Variants in LAMA2 observed in about 807,000 individuals in gnomAD.
LAMA2 encodes laminin subunit alpha-2.
In LAMA2, 269 loss-of-function variants were observed where a neutral mutation model predicts 364.8. The observed-to-expected ratio is 0.74, with a 90% CI of 0.67 to 0.82. The LOEUF (loss-of-function observed/expected upper bound fraction) is 0.82. Ranked by LOEUF, LAMA2 falls within the 40% of genes least tolerant of loss-of-function variation. The pLI is 0.00. For synonymous variants in LAMA2, 1,379 were observed against 1,370.6 expected (o/e 1.01, Z -0.14); for missense variants, 3,807 against 3,873.2 (o/e 0.98, Z 0.45).
At chr6:129,338,058 A>T (rs1776055618) in intron 29 of LAMA2, among the ~76,000 whole-genome samples, 1 of 152,190 alleles carries the variant, frequency 6.6e-6, no homozygotes. Flanking sequence ...GAGAAGATTG[A>T]CTGTCCAGAG....
chr6:128,943,265 T>TACAC lies in LAMA2; in HGVS notation c.112+59910_112+59913dup, dbSNP rs532252413. The stretch of plus-strand genomic sequence containing the variant: ...CACAGAGAGAGTGTGTGTGTATATA[T>TACAC]ACACAGAGAGAGAGAGAGAGAGAGA... On this transcript the variant is annotated intron_variant, in intron 1 of 64. Transcript: ENST00000421865. 5.2e-3 allele frequency among the ~76,000 whole-genome samples: 542 copies of TACAC among 103,502 alleles called. 5 individuals are homozygous for TACAC. The highest frequency in any genetic ancestry group is 0.025 in the African/African-American group (504 of 20,078). The allele number at this position is 103,502 out of a possible 152,430, so 67.9% of individuals were successfully genotyped here. A position where few individuals can be genotyped will look rare whatever the true frequency, so the allele number is the denominator to read the frequency against.
At chr6:129,497,615 G>C (rs1474572932) in intron 58 of LAMA2, among the ~76,000 whole-genome samples, 2 of 152,174 alleles carry the variant, frequency 1.3e-5, no homozygotes, top group African/African-American at 4.8e-5. Flanking sequence ...GCCTATTTAT[G>C]AGCTCCATAT....
intron 1 of LAMA2, among the ~76,000 whole-genome samples, chr6:129,042,753 T>C (rs1787196059): frequency 6.6e-6 from 1 of 152,196 alleles, no homozygotes; most frequent in African/African-American, 2.4e-5. Flanking sequence ...ATCATATAAA[T>C]GAATAATAGA....
At chr6:129,419,643 G>A (rs887079080) in intron 40 of LAMA2, among the ~76,000 whole-genome samples, 3 of 152,082 alleles carry the variant, frequency 2.0e-5, no homozygotes, top group African/African-American at 7.2e-5. Flanking sequence ...CCTTCTTGGT[G>A]TTCCCATAAA....
At chr6:129,174,301 T>C (rs1780420657) in intron 9 of LAMA2, among the ~76,000 whole-genome samples, 1 of 152,156 alleles carries the variant, frequency 6.6e-6, no homozygotes, top group Admixed American at 6.5e-5. Context: ...AACTACATTT[T>C]GTTTTCCAAT....
At chr6:129,414,795 A>G (rs567336247) in intron 40 of LAMA2, among the ~76,000 whole-genome samples, 1 of 152,284 alleles carries the variant, frequency 6.6e-6, no homozygotes, top group East Asian at 1.9e-4. Flanking sequence ...ACAATCCCCT[A>G]ACCTAACTTT....
chr6:129,094,849 G>C (rs1229551013), intron 3 of LAMA2, among the ~76,000 whole-genome samples: 2 of 152,146 alleles, frequency 1.3e-5, no homozygotes, highest in African/African-American at 4.8e-5. Context: ...GGATAACAGA[G>C]GGTAAAAGAG....
At chr6:128,922,106 T>G (rs1365091656) in intron 1 of LAMA2, among the ~76,000 whole-genome samples, 22 of 152,222 alleles carry the variant, frequency 1.4e-4, no homozygotes, top group Non-Finnish European at 2.6e-4. Context: ...CTAGTCTATC[T>G]TTGTTGGACA....
chr6:129,260,419 C>T (rs1787036087), intron 14 of LAMA2, among the ~76,000 whole-genome samples: 1 of 152,062 alleles, frequency 6.6e-6, no homozygotes, highest in Non-Finnish European at 1.5e-5. Context: ...TTAAAAATGT[C>T]TGTCTCCAAA....
chr6:129,248,445 G>A (rs1443408711), intron 12 of LAMA2, among the ~76,000 whole-genome samples: 3 of 152,036 alleles, frequency 2.0e-5, no homozygotes, highest in Non-Finnish European at 1.5e-5. Flanking sequence ...TCTTTTTATT[G>A]ACAAAATGGA....
intron 28 of LAMA2, among the ~76,000 whole-genome samples, chr6:129,327,976 T>C (rs1358220343): frequency 6.6e-6 from 1 of 152,188 alleles, no homozygotes; most frequent in African/African-American, 2.4e-5. Flanking sequence ...GACAATGTTA[T>C]TTAAAAACAA....
At chr6:129,197,492 C>A (rs916330237) in intron 12 of LAMA2, among the ~76,000 whole-genome samples, 1 of 152,244 alleles carries the variant, frequency 6.6e-6, no homozygotes, top group African/African-American at 2.4e-5. Context: ...CACCTCGCTT[C>A]AAGATGTCCT....
At position 129,401,293 on chromosome 6, in the gene LAMA2, C is replaced by T. The variant is rs1352301856; in HGVS notation, c.5515C>T (p.Leu1839Phe). The T allele has an allele frequency of 1.2e-6, 2 of 1,612,904 alleles. No individual in the cohort carries two copies. Among genetic ancestry groups the T allele is most frequent in the East Asian group, 4.5e-5 (2 of 44,860 alleles). ...CACTTTAAAAGAGGGCAATGACATA[C>T]TCGATGAAGCCAACCGTCTTGCAGA... ...ENTLKEGNDI[L>F]DEANRLADEI... The change falls in exon 38 of 65, where the codon CTC (leucine) becomes TTC (phenylalanine). Residue 1839 changes from leucine (L) to phenylalanine (F), a missense_variant. Leu to Phe is a conservative substitution (Grantham distance 22, BLOSUM62 0). Transcript: ENST00000421865.
intron 12 of LAMA2, among the ~76,000 whole-genome samples, chr6:129,227,880 C>T (rs1022343025): frequency 6.6e-6 from 1 of 152,286 alleles, no homozygotes; most frequent in Non-Finnish European, 1.5e-5. Context: ...TTTAAGTCTG[C>T]AGAGGTTTCT....
chr6:128,962,185 T>TATATATATATATATACAC (rs1214826895), intron 1 of LAMA2, among the ~76,000 whole-genome samples: 18 of 103,922 alleles, frequency 1.7e-4, no homozygotes, highest in Non-Finnish European at 2.6e-4. Flanking sequence ...TATATATATA[T>TATATATATATATATACAC]ACACACATAC....
intron 4 of LAMA2, among the ~76,000 whole-genome samples, chr6:129,122,901 T>G (rs367980938): frequency 6.6e-6 from 1 of 152,164 alleles, no homozygotes; most frequent in African/African-American, 2.4e-5. Context: ...TTAACACTGA[T>G]AATTAAATAA....
chr6:129,506,282 G>T (rs1048218575), intron 61 of LAMA2, among the ~76,000 whole-genome samples: 2 of 152,088 alleles, frequency 1.3e-5, no homozygotes, highest in African/African-American at 4.8e-5. Context: ...GAACCCGAGG[G>T]TCAGAGGTTG....
intron 47 of LAMA2, among the ~76,000 whole-genome samples, chr6:129,455,842 T>C (rs1292129346): frequency 6.6e-6 from 1 of 152,132 alleles, no homozygotes; most frequent in East Asian, 1.9e-4. Flanking sequence ...GGATCCAAGA[T>C]ATTATAAAGA....
chr6:129,177,582 G>GAT, intron 9 of LAMA2, 124 bp from the exon 10 acceptor site: 3 of 936,034 alleles, frequency 3.2e-6, no homozygotes, highest in South Asian at 3.0e-5. Flanking sequence ...TTTCTTTATT[G>GAT]ATATATATAA....
Sources: gnomAD v4.1 joint callset for allele counts (sites outside exome capture counted in the v4.1 genomes callset) on GRCh38, gnomAD v4.1.1 for gene constraint, MANE v1.5 for transcripts, NCBI Gene and HGNC (gene_info 2026-07-23, HGNC 2026-07-21) for gene names.